Variants in EFCAB3 observed in about 807,000 individuals in gnomAD.
EFCAB3 encodes the protein EF-hand calcium binding domain 3, also known as EF-hand calcium-binding domain-containing protein 3.
A neutral mutation model predicts 42.2 loss-of-function variants in EFCAB3; 36 were observed. The ratio of observed to expected loss-of-function variants is 0.85; its 90% CI spans 0.65 to 1.13. EFCAB3 has a LOEUF of 1.13. Ranked by LOEUF, EFCAB3 falls within the 50% of genes most tolerant of loss-of-function variation. The pLI is 0.00. For missense variants in EFCAB3, 418 were observed against 505.1 expected (o/e 0.83, Z 1.65); for synonymous variants, 170 against 172.8 (o/e 0.98, Z 0.13).
At chr17:62,378,422 G>T (rs1030875248), upstream of EFCAB3, among the ~76,000 whole-genome samples, 2 of 152,148 alleles carry the variant, frequency 1.3e-5, no homozygotes, top group African/African-American at 4.8e-5. Context: ...TGAGGACCTG[G>T]AGCACTGGCT....
chr17:62,414,965 A>T lies in EFCAB3; in HGVS notation c.991-1038A>T, dbSNP rs183440662. Among the ~76,000 whole-genome samples, 60 of 152,068 alleles carry T rather than the reference A, an allele frequency of 3.9e-4. 2 individuals are homozygous for T. Among genetic ancestry groups the T allele is most frequent in the African/African-American group, 1.3e-3 (53 of 41,500 alleles). On this transcript the variant is annotated intron_variant, in intron 9 of 9. Coordinates refer to ENST00000305286, the MANE Select transcript of EFCAB3 (RefSeq NM_173503.4). The stretch of plus-strand genomic sequence containing the variant: ...CTAAAAATACAAAAATTAGCTGGGC[A>T]TGGTCGTGGGCGCCTGTAATCCCAG...
rs191893744 is a variant in EFCAB3 at position 62,410,823 on chromosome 17, C to T, written c.868-2909C>T. On this transcript the variant is annotated intron_variant, in intron 8 of 9. Transcript: ENST00000305286. ...ATTCAGGGTCAGGAGATGTGGATCC[C>T]TGGAAGTAAGCAACTGGAATTGAAA... Among the ~76,000 whole-genome samples the T allele has an allele frequency of 3.3e-5, 5 of 152,084 alleles. No individual in the cohort carries two copies. The East Asian group carries it at 5.8e-4, about 18-fold the overall frequency.
At chr17:62,379,394 T>C (rs376362009), upstream of EFCAB3, among the ~76,000 whole-genome samples, 29 of 131,336 alleles carry the variant, frequency 2.2e-4, no homozygotes, top group African/African-American at 8.2e-4. Context: ...CACTCAACCC[T>C]GGGCAACATA....
intron 9 of EFCAB3, among the ~76,000 whole-genome samples, chr17:62,415,270 C>T (rs1224626097): frequency 2.6e-5 from 4 of 152,162 alleles, no homozygotes; most frequent in African/African-American, 9.7e-5. Flanking sequence ...CCAACCATGG[C>T]ACTGTACTGC....
chr17:62,398,445 CTT>C (rs1337081217), intron 6 of EFCAB3, among the ~76,000 whole-genome samples: 1 of 137,766 alleles, frequency 7.3e-6, no homozygotes, highest in Non-Finnish European at 1.5e-5. Flanking sequence ...CAGAGTGAGA[CTT>C]AGTCTCAAAA....
intron 5 of EFCAB3, among the ~76,000 whole-genome samples, chr17:62,394,296 AG>A (rs946129264): frequency 1.3e-5 from 2 of 152,132 alleles, no homozygotes; most frequent in Non-Finnish European, 2.9e-5. Context: ...GTACTTTGGG[AG>A]GCATTCCTTT....
intron 8 of EFCAB3, among the ~76,000 whole-genome samples, chr17:62,407,625 C>T (rs1244073612): frequency 6.6e-6 from 1 of 152,170 alleles, no homozygotes; most frequent in African/African-American, 2.4e-5. Context: ...GGCCATCCTG[C>T]CCTCGACTAG....
At chr17:62,373,112 C>A (rs1035236372) in intron 1 of EFCAB3, among the ~76,000 whole-genome samples, 1 of 151,412 alleles carries the variant, frequency 6.6e-6, no homozygotes, top group African/African-American at 2.4e-5. Flanking sequence ...GAAACCCCAT[C>A]TCACTAAAAA....
intron 6 of EFCAB3, among the ~76,000 whole-genome samples, chr17:62,405,123 G>A (rs2070437199): frequency 6.6e-6 from 1 of 152,240 alleles, no homozygotes; most frequent in African/African-American, 2.4e-5. Flanking sequence ...CACATTCAGA[G>A]CCATAGAGTA....
intron 3 of EFCAB3, among the ~76,000 whole-genome samples, chr17:62,391,103 T>C (rs1272958925): frequency 6.6e-6 from 1 of 152,174 alleles, no homozygotes; most frequent in East Asian, 1.9e-4. Context: ...TATCTCACAG[T>C]TCTATAAGTC....
At chr17:62,394,583 G>T (rs958689579) in intron 5 of EFCAB3, among the ~76,000 whole-genome samples, 1 of 152,030 alleles carries the variant, frequency 6.6e-6, no homozygotes, top group Non-Finnish European at 1.5e-5. Context: ...ATCCCCTCAT[G>T]GTTTGTTTAT....
chr17:62,406,568 G>C lies in EFCAB3; in HGVS notation c.577G>C (p.Asp193His). 1 of 1,613,980 alleles carries C rather than the reference G, an allele frequency of 6.2e-7. No homozygotes were observed. The highest frequency in any genetic ancestry group is 8.5e-7 in the Non-Finnish European group (1 of 1,179,994). ...CTATGGAAAAAGGACACTTAAGCCA[G>C]ACATATGCACACCTCCAAGCTCAAG... The part of the protein sequence containing the change: ...MGYGKRTLKP[D>H]ICTPPSSSMA... The change falls in exon 7 of 10, where the codon GAC (aspartate) becomes CAC (histidine). Residue 193 changes from aspartate to histidine, a missense_variant. Coordinates refer to ENST00000305286, the MANE Select transcript of EFCAB3 (RefSeq NM_173503.4).
upstream of EFCAB3, among the ~76,000 whole-genome samples, chr17:62,378,722 G>A (rs1003659084): frequency 2.7e-5 from 4 of 149,138 alleles, no homozygotes; most frequent in Non-Finnish European, 5.9e-5. Context: ...AAATGAAATG[G>A]GCATGGACAC....
intron 6 of EFCAB3, among the ~76,000 whole-genome samples, chr17:62,396,612 G>T (rs2070351781): frequency 6.6e-6 from 1 of 150,476 alleles, no homozygotes; most frequent in South Asian, 2.1e-4. Flanking sequence ...AAAAATTATA[G>T]CCAGGCACCA....
chr17:62,388,110 T>C (rs1456915855), intron 3 of EFCAB3, among the ~76,000 whole-genome samples: 1 of 151,928 alleles, frequency 6.6e-6, no homozygotes, highest in Non-Finnish European at 1.5e-5. Context: ...TTTGGGAGGC[T>C]GAGGCAGGGA....
intron 3 of EFCAB3, among the ~76,000 whole-genome samples, chr17:62,389,751 A>C (rs1168782591): frequency 6.6e-6 from 1 of 152,220 alleles, no homozygotes; most frequent in Non-Finnish European, 1.5e-5. Context: ...ATTATAACCC[A>C]AAGTATAAAA....
chr17:62,388,194 A>G (rs1046306041), intron 3 of EFCAB3, among the ~76,000 whole-genome samples: 2 of 152,156 alleles, frequency 1.3e-5, no homozygotes, highest in Non-Finnish European at 2.9e-5. Context: ...CTGGGCGACA[A>G]AGCGAGACTA....
Position 62,397,565 on chromosome 17 carries a change from G to A in EFCAB3, c.488+2377G>A, listed in dbSNP as rs549317363. The A allele has an allele frequency of 1.8e-4, 105 of 593,522 alleles. No individual in the cohort carries two copies. In the East Asian group the frequency reaches 3.8e-3, roughly 22 times the overall value. 36.8% of individuals were successfully genotyped at this position (593,522 alleles called of 1,614,324 possible). On this transcript the variant is annotated intron_variant, in intron 6 of 9. Coordinates refer to ENST00000305286, the MANE Select transcript of EFCAB3 (RefSeq NM_173503.4). ...TTCTCATGCAAAAGGAATTGTGCTG[G>A]AAAAAATAGGGGTTGAAACCAAACA...
intron 2 of EFCAB3, among the ~76,000 whole-genome samples, chr17:62,386,982 G>C (rs148727919): frequency 2.0e-5 from 3 of 152,048 alleles, no homozygotes; most frequent in African/African-American, 7.3e-5. Flanking sequence ...TGTAGAGACA[G>C]GGTCTTGCTA....
Sources: allele counts gnomAD v4.1 joint callset (sites outside exome capture counted in the v4.1 genomes callset), GRCh38; gene constraint gnomAD v4.1.1; transcripts MANE v1.5; gene names NCBI Gene and HGNC (gene_info 2026-07-23, HGNC 2026-07-21).